CHSY3: variants seen among roughly 807,000 people sequenced by gnomAD.
The protein encoded by CHSY3 is N-acetylgalactosaminyl-proteoglycan 3-beta-glucuronosyltransferase 3.
Under a neutral mutation model 67.2 loss-of-function variants are expected in CHSY3, and 35 were observed. That is an observed-to-expected ratio of 0.52 (90% confidence interval 0.40 to 0.69). CHSY3 has a LOEUF of 0.69. CHSY3 is among the 30% of genes least tolerant of loss of function. The pLI is 0.00. For missense variants in CHSY3, 1,069 were observed against 1,138.5 expected (o/e 0.94, Z 0.88); for synonymous variants, 474 against 434.7 (o/e 1.09, Z -1.12).
chr5:130,120,486 GAAAAAAAAAAA>G (rs34727574), intron 2 of CHSY3, among the ~76,000 whole-genome samples: 104 of 95,842 alleles, frequency 1.1e-3, no homozygotes, highest in African/African-American at 3.5e-3. Context: ...ATTTCTGAAA[GAAAAAAAAAAA>G]AAAAAAAAAA....
At chr5:129,911,948 T>C (rs1027643191) in intron 2 of CHSY3, among the ~76,000 whole-genome samples, 6 of 152,004 alleles carry the variant, frequency 3.9e-5, no homozygotes, top group African/African-American at 1.2e-4. Flanking sequence ...CCCAGCTACT[T>C]GGGAGGCTGA....
At chr5:130,084,191 A>G (rs1198382301) in intron 2 of CHSY3, among the ~76,000 whole-genome samples, 3 of 151,952 alleles carry the variant, frequency 2.0e-5, no homozygotes, top group African/African-American at 4.8e-5. Context: ...TTATATTTCA[A>G]ATATCTGAAA....
At chr5:130,078,819 C>A (rs1766355215) in intron 2 of CHSY3, among the ~76,000 whole-genome samples, 1 of 152,262 alleles carries the variant, frequency 6.6e-6, no homozygotes, top group Middle Eastern at 3.4e-3. Context: ...AGAAGACAGG[C>A]AGCTGTTGAG....
At chr5:130,090,001 T>A (rs1037864784) in intron 2 of CHSY3, among the ~76,000 whole-genome samples, 1 of 152,220 alleles carries the variant, frequency 6.6e-6, no homozygotes, top group African/African-American at 2.4e-5. Context: ...ATCTTTATTC[T>A]TTCACATTTC....
chr5:129,916,942 C>G (rs776428111), intron 2 of CHSY3, among the ~76,000 whole-genome samples: 1 of 152,060 alleles, frequency 6.6e-6, no homozygotes, highest in Non-Finnish European at 1.5e-5. Context: ...GTACCTCTCT[C>G]AGAACTAGGA....
intron 2 of CHSY3, among the ~76,000 whole-genome samples, chr5:130,155,877 G>T (rs1023475166): frequency 1.3e-5 from 2 of 152,146 alleles, no homozygotes; most frequent in Non-Finnish European, 2.9e-5. Context: ...TCAGTAGAAG[G>T]GTAGGATGGC....
At chr5:129,985,947 A>G (rs1276547089) in intron 2 of CHSY3, among the ~76,000 whole-genome samples, 1 of 152,140 alleles carries the variant, frequency 6.6e-6, no homozygotes, top group Admixed American at 6.5e-5. Context: ...TTTTCTAGGT[A>G]TAGTATCATA....
At chr5:130,020,440 TATATATATATA>T (rs1764339249) in intron 2 of CHSY3, among the ~76,000 whole-genome samples, 2 of 18,180 alleles carry the variant, frequency 1.1e-4, no homozygotes, top group Non-Finnish European at 1.6e-4. Context: ...TATATATATA[TATATATATATA>T]TATATATATA....
rs1008257755 is a variant in CHSY3, at chr5:130,185,785, C to T, written c.2643C>T (p.Leu881=). ...TAGGTGTCAGGTACAATCGAACTCTCTCCTGACAGTCCAGGCAACACATTT... is the reference window on the plus strand; with the variant it reads ...TAGGTGTCAGGTACAATCGAACTCTTTCCTGACAGTCCAGGCAACACATTT... ...KHLGVRYNRT[L]S is the part of the protein sequence containing the mutation. The change falls in exon 3 of 3, where the codon CTC becomes CTT. Residue 881 remains leucine (L), a synonymous_variant. Coordinates refer to ENST00000305031, the MANE Select transcript of CHSY3 (RefSeq NM_175856.5). 7 of 1,584,718 alleles carry T rather than the reference C, an allele frequency of 4.4e-6. No homozygotes were observed. The highest frequency in any genetic ancestry group is 1.7e-6 in the Non-Finnish European group (2 of 1,162,870).
chr5:130,090,482 G>T (rs1014919330), intron 2 of CHSY3, among the ~76,000 whole-genome samples: 1 of 152,138 alleles, frequency 6.6e-6, no homozygotes, highest in Non-Finnish European at 1.5e-5. Flanking sequence ...GGAAAACAAG[G>T]CTGGTGCCCT....
chr5:129,953,550 G>A (rs188906501), intron 2 of CHSY3, among the ~76,000 whole-genome samples: 157 of 152,132 alleles, frequency 1.0e-3, no homozygotes, highest in African/African-American at 3.5e-3. Flanking sequence ...TTGAGGAGTC[G>A]CCACACTGTC....
At chr5:130,127,487 A>G (rs900387171) in intron 2 of CHSY3, among the ~76,000 whole-genome samples, 1 of 152,148 alleles carries the variant, frequency 6.6e-6, no homozygotes, top group Non-Finnish European at 1.5e-5. Context: ...TTTCTGCTAA[A>G]CCCTAATTTC....
chr5:130,124,478 C>A (rs1323678407), intron 2 of CHSY3, among the ~76,000 whole-genome samples: 1 of 144,996 alleles, frequency 6.9e-6, no homozygotes, highest in African/African-American at 2.6e-5. Flanking sequence ...TTTTTTGAGA[C>A]AGAGTCTCAC....
intron 2 of CHSY3, among the ~76,000 whole-genome samples, chr5:129,970,391 G>T (rs11948167): frequency 4.1e-4 from 58 of 141,578 alleles, no homozygotes; most frequent in African/African-American, 1.5e-3. Context: ...GTGGACAGAG[G>T]AACAGATTAG....
At chr5:129,968,155 G>A (rs1440102384) in intron 2 of CHSY3, among the ~76,000 whole-genome samples, 2 of 151,570 alleles carry the variant, frequency 1.3e-5, no homozygotes, top group African/African-American at 4.8e-5. Flanking sequence ...TATACTGTTG[G>A]GGAATCTAAA....
intron 2 of CHSY3, among the ~76,000 whole-genome samples, chr5:129,936,966 C>G (rs1761513753): frequency 6.6e-6 from 1 of 152,110 alleles, no homozygotes; most frequent in African/African-American, 2.4e-5. Context: ...TCTTAAAGCT[C>G]CACCAAGTCT....
intron 2 of CHSY3, among the ~76,000 whole-genome samples, chr5:130,100,564 C>A (rs1261184629): frequency 6.6e-6 from 1 of 152,034 alleles, no homozygotes; most frequent in African/African-American, 2.4e-5. Context: ...CTAGATTCCA[C>A]CTAAAGTTGA....
intron 2 of CHSY3, among the ~76,000 whole-genome samples, chr5:130,145,692 A>G (rs1769052171): frequency 6.6e-6 from 1 of 152,150 alleles, no homozygotes; most frequent in South Asian, 2.1e-4. Flanking sequence ...ATATTTGCAA[A>G]CTATACATCT....
intron 2 of CHSY3, among the ~76,000 whole-genome samples, chr5:130,030,127 G>A (rs1764664052): frequency 6.6e-6 from 1 of 151,882 alleles, no homozygotes; most frequent in African/African-American, 2.4e-5. Flanking sequence ...ATGGTATGCT[G>A]TTTTTTATTA....
Sources: allele counts gnomAD v4.1 joint callset (sites outside exome capture counted in the v4.1 genomes callset), GRCh38; gene constraint gnomAD v4.1.1; transcripts MANE v1.5; gene names NCBI Gene and HGNC (gene_info 2026-07-23, HGNC 2026-07-21).